The following ASTN2 variants were observed in gnomAD, a reference collection of about 807,000 sequenced individuals.
ASTN2 encodes astrotactin-2.
Under a neutral mutation model 139.8 loss-of-function variants are expected in ASTN2, and 54 were observed. That is an observed-to-expected ratio of 0.39 (90% CI 0.31 to 0.48). ASTN2 has a LOEUF of 0.48. Among genes scored for constraint, ASTN2 ranks in the 20% least tolerant of loss-of-function variants. The pLI is 0.95. For missense variants in ASTN2, 1,565 were observed against 1,725.1 expected (o/e 0.91, Z 1.64); for synonymous variants, 756 against 719.5 (o/e 1.05, Z -0.81).
At chr9:117,102,335 C>G (rs1489880977) in intron 4 of ASTN2, among the ~76,000 whole-genome samples, 2 of 151,942 alleles carry the variant, frequency 1.3e-5, no homozygotes, top group African/African-American at 4.8e-5. Flanking sequence ...ATAGCTAAAT[C>G]CGTAGAGATG....
At chr9:116,861,216 C>T (rs1216412410) in intron 11 of ASTN2, among the ~76,000 whole-genome samples, 2 of 9,362 alleles carry the variant, frequency 2.1e-4, no homozygotes, top group Admixed American at 1.3e-3. Context: ...GCCCAAGCTA[C>T]ACACACACAC....
At chr9:117,070,542 T>C (rs969769038) in intron 5 of ASTN2, among the ~76,000 whole-genome samples, 8 of 140,780 alleles carry the variant, frequency 5.7e-5, no homozygotes, top group African/African-American at 8.2e-5. Flanking sequence ...ATTTCCTGAA[T>C]CTGAACGATG....
At chr9:116,868,721 G>A (rs1564314152) in intron 10 of ASTN2, among the ~76,000 whole-genome samples, 2 of 152,218 alleles carry the variant, frequency 1.3e-5, no homozygotes, top group East Asian at 1.9e-4. Flanking sequence ...GTTTGGTAGA[G>A]CCCTGGTCCC....
intron 5 of ASTN2, among the ~76,000 whole-genome samples, chr9:117,048,962 G>GTTTTTTTTTTTTTTT: frequency 2.0e-5 from 1 of 50,322 alleles, no homozygotes; most frequent in Non-Finnish European, 4.4e-5. Context: ...TTCATCCATT[G>GTTTTTTTTTTTTTTT]CTTTTTTTTT....
At chr9:116,474,778 A>AAAAATG (rs1848924703) in intron 20 of ASTN2, among the ~76,000 whole-genome samples, 1 of 152,232 alleles carries the variant, frequency 6.6e-6, no homozygotes, top group Non-Finnish European at 1.5e-5. Flanking sequence ...TGAGGATCAG[A>AAAAATG]AAAATGAAGT....
chr9:116,747,871 CTGCCCTGGTAAT>C (rs1186339473), intron 13 of ASTN2, among the ~76,000 whole-genome samples: 1 of 152,186 alleles, frequency 6.6e-6, no homozygotes, highest in African/African-American at 2.4e-5. Flanking sequence ...TTACTAACTC[CTGCCCTGGTAAT>C]TGCGATCCCT....
intron 3 of ASTN2, among the ~76,000 whole-genome samples, chr9:117,204,356 C>T (rs1385654323): frequency 6.6e-6 from 1 of 152,216 alleles, no homozygotes; most frequent in African/African-American, 2.4e-5. Flanking sequence ...CTGTCCCTGG[C>T]TGCCTTGATT....
intron 20 of ASTN2, among the ~76,000 whole-genome samples, chr9:116,461,616 GT>G (rs1415649025): frequency 6.6e-6 from 1 of 151,960 alleles, no homozygotes; most frequent in Non-Finnish European, 1.5e-5. Flanking sequence ...TGAACTGTGG[GT>G]TAAGATTTCG....
intron 2 of ASTN2, among the ~76,000 whole-genome samples, chr9:117,246,618 C>A (rs1055812816): frequency 1.3e-5 from 2 of 152,186 alleles, no homozygotes; most frequent in African/African-American, 4.8e-5. Context: ...CAGTGGAACT[C>A]GGATTTCCCA....
intron 19 of ASTN2, among the ~76,000 whole-genome samples, chr9:116,532,814 C>A (rs745635539): frequency 1.4e-4 from 22 of 152,286 alleles, no homozygotes; most frequent in Middle Eastern, 3.4e-3. Flanking sequence ...CAGCTTTGTT[C>A]TTTTTGCTTC....
chr9:116,849,657 G>T (rs967986821), intron 11 of ASTN2, among the ~76,000 whole-genome samples: 1 of 152,178 alleles, frequency 6.6e-6, no homozygotes, highest in African/African-American at 2.4e-5. Context: ...GCCTAGCAGT[G>T]AGTTACTTAT....
At chr9:117,377,353 A>C (rs1166981630) in intron 1 of ASTN2, among the ~76,000 whole-genome samples, 1 of 152,232 alleles carries the variant, frequency 6.6e-6, no homozygotes, top group Non-Finnish European at 1.5e-5. Context: ...ACTAAACTGC[A>C]GGAAACCAGG....
intron 1 of ASTN2, among the ~76,000 whole-genome samples, chr9:117,346,846 A>T (rs1163728098): frequency 6.6e-6 from 1 of 152,120 alleles, no homozygotes; most frequent in Non-Finnish European, 1.5e-5. Flanking sequence ...CTTAATTTCC[A>T]CTGTCTGCAA....
intron 20 of ASTN2, among the ~76,000 whole-genome samples, chr9:116,478,827 A>T (rs996929338): frequency 6.6e-6 from 1 of 151,766 alleles, no homozygotes; most frequent in Non-Finnish European, 1.5e-5. Flanking sequence ...CCCCATCTCT[A>T]CTAAAAATAC....
chr9:116,755,510 GCAA>G (rs1829510746), intron 13 of ASTN2, among the ~76,000 whole-genome samples: 1 of 152,344 alleles, frequency 6.6e-6, no homozygotes, highest in Non-Finnish European at 1.5e-5. Context: ...GCAGCCATCT[GCAA>G]GCCAAGGAGT....
At chr9:116,443,746 C>T (rs931119568) in intron 20 of ASTN2, among the ~76,000 whole-genome samples, 2 of 152,106 alleles carry the variant, frequency 1.3e-5, no homozygotes, top group African/African-American at 4.8e-5. Flanking sequence ...GTTCTGTCTG[C>T]ATCATGTCAT....
chr9:116,842,552 C>A (rs1185885485), intron 11 of ASTN2, among the ~76,000 whole-genome samples: 1 of 151,916 alleles, frequency 6.6e-6, no homozygotes, highest in Middle Eastern at 3.2e-3. Flanking sequence ...CCCCAGTCCC[C>A]CACCCCTCTT....
chr9:116,654,158 AG>A (rs1357347489), intron 16 of ASTN2, among the ~76,000 whole-genome samples: 3 of 152,240 alleles, frequency 2.0e-5, no homozygotes, highest in Non-Finnish European at 4.4e-5. Context: ...GCTCTGGCCT[AG>A]GTCAACAAAC....
At position 117,179,824 on chromosome 9, in the gene ASTN2, T is replaced by C. The variant is rs536782324; in HGVS notation, c.1015+34534A>G. Among the ~76,000 whole-genome samples, 152 of 152,286 alleles carry C rather than the reference T, an allele frequency of 1.0e-3. 2 individuals carry two copies. Among genetic ancestry groups the C allele is most frequent in the Non-Finnish European group, 9.6e-4 (65 of 68,030 alleles). The stretch of plus-strand genomic sequence containing the variant: ...ATCTGTCATTTCAGGCTGCTGAAAG[T>C]TGGTGTTTAGGGACTTACTTTACCC... On this transcript the variant is annotated intron_variant, in intron 3 of 22. Transcript: ENST00000313400.
Sources: gnomAD v4.1 joint callset for allele counts (sites outside exome capture counted in the v4.1 genomes callset) on GRCh38, gnomAD v4.1.1 for gene constraint, MANE v1.5 for transcripts, NCBI Gene and HGNC (gene_info 2026-07-23, HGNC 2026-07-21) for gene names.